Variants in GSE1 observed in about 807,000 individuals in gnomAD.
GSE1 encodes the protein genetic suppressor element 1.
GSE1 carries 32 observed loss-of-function variants against 112.6 expected under a neutral mutation model. The observed-to-expected ratio is 0.28, with a 90% CI of 0.21 to 0.38. The LOEUF (loss-of-function observed/expected upper bound fraction) is 0.38. GSE1 is among the 10% of genes least tolerant of loss of function. GSE1 has a pLI of 1.00. For synonymous variants in GSE1, 1,115 were observed against 735.6 expected (o/e 1.52, Z -8.35); for missense variants, 2,348 against 1,699.2 (o/e 1.38, Z -6.71).
intron 2 of GSE1, among the ~76,000 whole-genome samples, chr16:85,389,730 C>A (rs902393421): frequency 3.9e-5 from 6 of 152,196 alleles, no homozygotes; most frequent in African/African-American, 1.4e-4. Context: ...TAACAAATCA[C>A]TGAAGCCCTT....
intron 1 of GSE1, among the ~76,000 whole-genome samples, chr16:85,315,162 C>T (rs2968420): frequency 0.8 from 120,631 of 151,352 alleles, 48,528 homozygotes; most frequent in African/African-American, 0.9. Flanking sequence ...AGGGCACCAC[C>T]GCAGGGTGAT....
chr16:85,309,502 TAATA>T (rs74276410), intron 1 of GSE1, among the ~76,000 whole-genome samples: 29 of 150,828 alleles, frequency 1.9e-4, no homozygotes, highest in African/African-American at 5.6e-4. Context: ...TCTAAAACAA[TAATA>T]AATAAATAAA....
chr16:85,370,316 T>G (rs2151595955), intron 2 of GSE1, among the ~76,000 whole-genome samples: 1 of 152,120 alleles, frequency 6.6e-6, no homozygotes, highest in East Asian at 1.9e-4. Flanking sequence ...CACCTTCCAG[T>G]GCACTGGGCG....
intron 14 of GSE1, among the ~76,000 whole-genome samples, chr16:85,670,193 G>T (rs1010375814): frequency 6.6e-6 from 1 of 152,192 alleles, no homozygotes; most frequent in Non-Finnish European, 1.5e-5. Context: ...TTATTCCTTA[G>T]ATCAGAGGAA....
intron 1 of GSE1, among the ~76,000 whole-genome samples, chr16:85,221,432 CGT>C (rs777427156): frequency 3.3e-5 from 5 of 152,024 alleles, no homozygotes; most frequent in Non-Finnish European, 7.4e-5. Context: ...CATGCATCCA[CGT>C]GTGTGCACAT....
chr16:85,197,199 G>A lies in GSE1; in HGVS notation c.2283+25392G>A, dbSNP rs553678871. 5.6e-4 allele frequency among the ~76,000 whole-genome samples: 85 copies of A among 152,182 alleles called. 5 individuals carry two copies. The South Asian group carries it at 0.011, about 21-fold the overall frequency. On this transcript the variant is annotated intron_variant, in intron 1 of 2. Transcript: ENST00000637419. ...GACACAGGGACGGGCAGTTCAGAACGGTGGACCCAGAGCCACTTGGGGATC... is the reference window on the plus strand; with the variant it reads ...GACACAGGGACGGGCAGTTCAGAACAGTGGACCCAGAGCCACTTGGGGATC...
In GSE1 at chr16:85,562,032, C is replaced by T. The variant is rs183367742; in HGVS notation, c.37+5669C>T. Among the ~76,000 whole-genome samples, 431 of 152,332 alleles carry T rather than the reference C, an allele frequency of 2.8e-3. 3 individuals carry two copies. The highest frequency in any genetic ancestry group is 0.01 in the Middle Eastern group (3 of 294). ...GCATAGCCTCAGGCTTGTCATGGGA[C>T]GTTAGCAAACCATAGCTGTGGCGCC... On this transcript the variant is annotated intron_variant, in intron 1 of 2. Transcript: ENST00000635906.
Position 85,634,118 on chromosome 16 carries a change from C to T in GSE1, c.212C>T (p.Ala71Val), listed in dbSNP as rs371764645. 44 of 1,537,198 alleles carry T rather than the reference C, an allele frequency of 2.9e-5. No homozygotes were observed. The highest frequency in any genetic ancestry group is 4.2e-5 in the African/African-American group (3 of 72,022). Reference sequence around the variant, plus strand: ...GCGCTGCGCAAGCTCGCCAAACAGGCGGAGGAGCCCAGAGGTAAGGGGGCC... The same window carrying T: ...GCGCTGCGCAAGCTCGCCAAACAGGTGGAGGAGCCCAGAGGTAAGGGGGCC... ...AAALRKLAKQAEEPRGSSLSS... is the reference protein window; with the variant it reads ...AAALRKLAKQVEEPRGSSLSS... The change falls in exon 2 of 16, where the codon GCG becomes GTG. Residue 71 changes from alanine (A) to valine (V), a missense_variant. By Grantham distance (64) the Ala-to-Val change is moderately conservative. Coordinates refer to ENST00000253458, the MANE Select transcript of GSE1 (RefSeq NM_014615.5).
chr16:85,346,875 A>G (rs1444894823), intron 1 of GSE1, among the ~76,000 whole-genome samples: 1 of 151,588 alleles, frequency 6.6e-6, no homozygotes, highest in Admixed American at 6.6e-5. Context: ...AGGTAGATGG[A>G]TGGTGGATGA....
intron 1 of GSE1, among the ~76,000 whole-genome samples, chr16:85,632,985 G>T (rs1447366655): frequency 6.6e-6 from 1 of 151,410 alleles, no homozygotes; most frequent in Non-Finnish European, 1.5e-5. Flanking sequence ...ATGTCACCAG[G>T]TGGCTGCCCC....
upstream of GSE1, among the ~76,000 whole-genome samples, chr16:85,609,980 T>C (rs1310346317): frequency 2.0e-5 from 3 of 152,204 alleles, no homozygotes; most frequent in Non-Finnish European, 4.4e-5. Context: ...ATTTTAAATC[T>C]CTTTTGTGGT....
chr16:85,286,890 G>A (rs2045046420), intron 1 of GSE1, among the ~76,000 whole-genome samples: 2 of 152,174 alleles, frequency 1.3e-5, no homozygotes, highest in Non-Finnish European at 2.9e-5. Context: ...CATAGTATGG[G>A]CTCCGTGGGC....
intron 1 of GSE1, among the ~76,000 whole-genome samples, chr16:85,273,863 A>G (rs922476379): frequency 7.2e-6 from 1 of 138,906 alleles, no homozygotes; most frequent in Non-Finnish European, 1.6e-5. Context: ...CTAATTTTGT[A>G]TTTTTTTTTT....
chr16:85,294,441 C>T (rs776589508), intron 1 of GSE1, among the ~76,000 whole-genome samples: 15 of 152,084 alleles, frequency 9.9e-5, no homozygotes, highest in Non-Finnish European at 1.8e-4. Context: ...TTTGTTCGTT[C>T]GTGTTCCGTC....
At chr16:85,629,519 G>A (rs1367932583) in intron 1 of GSE1, among the ~76,000 whole-genome samples, 2 of 152,354 alleles carry the variant, frequency 1.3e-5, no homozygotes, top group East Asian at 3.9e-4. Flanking sequence ...CCTGGAGCAG[G>A]TCGAGCTGGG....
At chr16:85,241,385 C>G (rs1905156846) in intron 1 of GSE1, among the ~76,000 whole-genome samples, 2 of 152,368 alleles carry the variant, frequency 1.3e-5, no homozygotes, top group South Asian at 2.1e-4. Flanking sequence ...CTCTCTGTCT[C>G]TGCCCCACCT....
intron 2 of GSE1, among the ~76,000 whole-genome samples, chr16:85,493,222 G>T (rs1212613248): frequency 6.6e-6 from 1 of 152,186 alleles, no homozygotes; most frequent in African/African-American, 2.4e-5. Flanking sequence ...AGCTGAGGCA[G>T]GGGGATTGCT....
intron 2 of GSE1, among the ~76,000 whole-genome samples, chr16:85,441,863 C>T (rs2049383800): frequency 6.6e-6 from 1 of 152,202 alleles, no homozygotes; most frequent in Admixed American, 6.5e-5. Context: ...CATTTTAGAA[C>T]ATCCGAGAGC....
intron 1 of GSE1, among the ~76,000 whole-genome samples, chr16:85,562,062 C>G (rs1409062963): frequency 6.6e-6 from 1 of 152,224 alleles, no homozygotes; most frequent in East Asian, 1.9e-4. Context: ...GGCGCCGGAG[C>G]CACCCAAGAC....
Sources: gnomAD v4.1 joint callset for allele counts (sites outside exome capture counted in the v4.1 genomes callset) on GRCh38, gnomAD v4.1.1 for gene constraint, MANE v1.5 for transcripts, NCBI Gene and HGNC (gene_info 2026-07-23, HGNC 2026-07-21) for gene names.